The following GALNT9 variants were observed in gnomAD, a reference collection of about 807,000 sequenced individuals.
GALNT9 encodes GalNAc transferase 9.
GALNT9 carries 47 observed loss-of-function variants against 63.1 expected under a neutral mutation model. That is an observed-to-expected ratio of 0.75 (90% confidence interval 0.59 to 0.95). The LOEUF is 0.95. Among genes scored for constraint, GALNT9 ranks in the 40% least tolerant of loss-of-function variants. The probability of loss-of-function intolerance (pLI) is 0.00; values close to 1 mark genes in which losing one functional copy is unlikely to be tolerated. For missense variants in GALNT9, 829 were observed against 874.8 expected (o/e 0.95, Z 0.66); for synonymous variants, 396 against 365.7 (o/e 1.08, Z -0.94).
chr12:132,283,180 C>T (rs1880430851), intron 2 of GALNT9: 1 of 152,422 alleles, frequency 6.6e-6, no homozygotes, highest in South Asian at 2.1e-4. Context: ...TGCTGGGATC[C>T]TCCAGAGGAC....
Position 132,329,530 on chromosome 12 carries a change from G to T in GALNT9, c.-327C>A, listed in dbSNP as rs1405177645. On this transcript the variant is annotated 5_prime_UTR_variant, in exon 1 of 11. Coordinates refer to ENST00000328957, the MANE Select transcript of GALNT9 (RefSeq NM_001122636.2). ...GGGAAGGCGCGGGCGGGCGGCGCTC[G>T]GTGTCTGTGCCGGCTCCTGTCCTGC... is the stretch of plus-strand genomic sequence containing the variant. 1.4e-5 allele frequency among the ~76,000 whole-genome samples: 2 copies of T among 147,062 alleles called. No homozygotes were observed. The highest frequency in any genetic ancestry group is 3.0e-5 in the Non-Finnish European group (2 of 65,942).
At chr12:132,258,808 A>G (rs548736204) in intron 4 of GALNT9, among the ~76,000 whole-genome samples, 2 of 152,320 alleles carry the variant, frequency 1.3e-5, no homozygotes, top group South Asian at 2.1e-4. Flanking sequence ...TGGAGACGCC[A>G]TGGTCTACCG....
At chr12:132,203,833 G>A (rs1228230877) in intron 6 of GALNT9, 143 bp from the exon 7 acceptor site, 4 of 837,836 alleles carry the variant, frequency 4.8e-6, no homozygotes, top group Non-Finnish European at 7.2e-6. Context: ...TGGGTCCCGG[G>A]GCTTTGCCTC....
At chr12:132,253,699 C>T (rs28439073) in intron 5 of GALNT9, among the ~76,000 whole-genome samples, 7,571 of 152,260 alleles carry the variant, frequency 0.05, 602 homozygotes, top group African/African-American at 0.17. Context: ...CTTGCCTCGG[C>T]ACCTAGGTAA....
At chr12:132,259,554 G>C (rs375982376) in intron 4 of GALNT9, among the ~76,000 whole-genome samples, 13 of 152,222 alleles carry the variant, frequency 8.5e-5, no homozygotes, top group African/African-American at 2.7e-4. Flanking sequence ...GCTGGGGACT[G>C]AGATGCCCCA....
rs1183176706 is a variant in GALNT9 at position 132,239,190 on chromosome 12, G to T, written c.1077+8720C>A. Reference sequence around the variant, plus strand: ...AGAACCCAGGAGCTGTGTGGGGGTGGGGGACAGGCAGAGAGAGAGACAGAG... The same window carrying T: ...AGAACCCAGGAGCTGTGTGGGGGTGTGGGACAGGCAGAGAGAGAGACAGAG... On this transcript the variant is annotated intron_variant, in intron 6 of 10. Transcript: ENST00000328957. 4.7e-5 allele frequency among the ~76,000 whole-genome samples: 7 copies of T among 147,414 alleles called. 1 individual carries two copies. The East Asian group carries it at 1.4e-3, about 29-fold the overall frequency.
At chr12:132,264,617 G>A (rs1593092601) in intron 2 of GALNT9, among the ~76,000 whole-genome samples, 1 of 152,260 alleles carries the variant, frequency 6.6e-6, no homozygotes, top group East Asian at 1.9e-4. Context: ...CCAGGGGTTT[G>A]AGTCCAGGGC....
intron 2 of GALNT9, among the ~76,000 whole-genome samples, chr12:132,263,126 C>T (rs1271788092): frequency 2.0e-5 from 3 of 152,094 alleles, no homozygotes; most frequent in Admixed American, 6.6e-5. Context: ...TGGGCACAGC[C>T]GAGGAGCTGG....
In GALNT9 at chr12:132,327,916, C is replaced by T. The variant is rs928125768; in HGVS notation, c.238+1050G>A. On this transcript the variant is annotated intron_variant, in intron 1 of 10. Transcript: ENST00000328957. This position sits in a 1 kb window ranked among gnomAD's most constrained non-coding sequence, Gnocchi z 4.3. The stretch of plus-strand genomic sequence containing the variant: ...CCTTTGCCCCCACACACAGCAGGCA[C>T]ATCCGGAGCCCCCGCCTGCCCGCGT... Among the ~76,000 whole-genome samples, 12 of 151,938 alleles carry T rather than the reference C, an allele frequency of 7.9e-5. No individual in the cohort carries two copies. The highest frequency in any genetic ancestry group is 2.7e-4 in the African/African-American group (11 of 41,442).
intron 1 of GALNT9, among the ~76,000 whole-genome samples, chr12:132,313,515 CATCCACTT>C (rs1881894281): frequency 1.4e-5 from 2 of 139,194 alleles, no homozygotes; most frequent in South Asian, 2.4e-4. Flanking sequence ...CCCACCCACC[CATCCACTT>C]ACCCACCCAC....
rs1878012019 is a variant in GALNT9, at chr12:132,236,593, T to C, written c.1077+11317A>G. Among the ~76,000 whole-genome samples, 2 of 152,124 alleles carry C rather than the reference T, an allele frequency of 1.3e-5. No individual in the cohort carries two copies. Among genetic ancestry groups the C allele is most frequent in the African/African-American group, 2.4e-5 (1 of 41,412 alleles). On this transcript the variant is annotated intron_variant, in intron 6 of 10. Coordinates refer to ENST00000328957, the MANE Select transcript of GALNT9 (RefSeq NM_001122636.2). The surrounding 1 kb of genome is among the most constrained non-coding windows in gnomAD (Gnocchi z 5.6). Reference sequence around the variant, plus strand: ...TATCTTTCCTTTCAAGCTCCAAACTTGCACTTTGATTTCCTTCAAGAGTCC... The same window carrying C: ...TATCTTTCCTTTCAAGCTCCAAACTCGCACTTTGATTTCCTTCAAGAGTCC...
intron 2 of GALNT9, among the ~76,000 whole-genome samples, chr12:132,271,171 G>A (rs1555240689): frequency 1.3e-5 from 2 of 152,064 alleles, no homozygotes; most frequent in Non-Finnish European, 2.9e-5. Context: ...GGGGCCACAC[G>A]TTCTCAGCAG....
chr12:132,291,241 G>C (rs1182375877), intron 1 of GALNT9, among the ~76,000 whole-genome samples: 2 of 34,562 alleles, frequency 5.8e-5, no homozygotes, highest in African/African-American at 2.0e-4. Context: ...CACGTCCACA[G>C]CGCCCACGTC....
chr12:132,205,838 C>T (rs913027588), intron 6 of GALNT9: 1 of 152,160 alleles, frequency 6.6e-6, no homozygotes, highest in African/African-American at 2.4e-5. Context: ...CTGGTGAATC[C>T]CGCCCACCGC....
chr12:132,250,359 C>T (rs1272215146), intron 5 of GALNT9, among the ~76,000 whole-genome samples: 3 of 152,142 alleles, frequency 2.0e-5, no homozygotes, highest in African/African-American at 4.8e-5. Context: ...TGGAACGAGA[C>T]GGAGGTGGCA....
chr12:132,320,692 T>C (rs1868743879), intron 1 of GALNT9, among the ~76,000 whole-genome samples: 1 of 35,392 alleles, frequency 2.8e-5, no homozygotes, highest in Non-Finnish European at 5.6e-5. Flanking sequence ...TCTGATTCTC[T>C]CCAACTCCAT....
intron 1 of GALNT9, among the ~76,000 whole-genome samples, chr12:132,293,975 C>T (rs539736515): frequency 6.6e-6 from 1 of 152,396 alleles, no homozygotes; most frequent in South Asian, 2.1e-4. Context: ...GACCAAAGAT[C>T]TTGCCCCTCC....
At chr12:132,214,176 T>C (rs1045402383) in intron 6 of GALNT9, among the ~76,000 whole-genome samples, 13 of 152,164 alleles carry the variant, frequency 8.5e-5, no homozygotes, top group Admixed American at 8.5e-4. Context: ...AGGTCCCTGA[T>C]GGTGGCTCCT....
intron 7 of GALNT9, among the ~76,000 whole-genome samples, chr12:132,202,266 T>G (rs1435898616): frequency 6.6e-6 from 1 of 152,164 alleles, no homozygotes; most frequent in Non-Finnish European, 1.5e-5. Context: ...GCCCACACAC[T>G]TGGGGAGGTC....
Sources: allele counts gnomAD v4.1 joint callset (sites outside exome capture counted in the v4.1 genomes callset), GRCh38; gene constraint gnomAD v4.1.1; non-coding constraint Gnocchi (gnomAD v3.1); transcripts MANE v1.5; gene names NCBI Gene and HGNC (gene_info 2026-07-23, HGNC 2026-07-21).